TNIK: variants seen among roughly 807,000 people sequenced by gnomAD.
The protein encoded by TNIK is TRAF2 and NCK interacting kinase.
Under a neutral mutation model 191.3 loss-of-function variants are expected in TNIK, and 49 were observed. The observed-to-expected ratio is 0.26, with a 90% CI of 0.20 to 0.32. The LOEUF is 0.32. Ranked by LOEUF, TNIK falls within the 10% of genes least tolerant of loss-of-function variation. The pLI is 1.00. For synonymous variants in TNIK, 594 were observed against 600.9 expected, an observed-to-expected ratio of 0.99 and a Z score of 0.17; for missense variants, 1,155 against 1,702.3, an observed-to-expected ratio of 0.68 and a Z score of 5.66.
At chr3:171,382,081 T>C (rs1718103561) in intron 1 of TNIK, among the ~76,000 whole-genome samples, 1 of 152,212 alleles carries the variant, frequency 6.6e-6, no homozygotes, top group Non-Finnish European at 1.5e-5. Context: ...TGAAATCTAA[T>C]TGATTTACTT....
chr3:171,071,332 G>C lies in TNIK; in HGVS notation c.3449-9C>G, dbSNP rs1309106143. The C allele has an allele frequency of 6.5e-7, 1 of 1,542,258 alleles. No individual in the cohort carries two copies. The highest frequency in any genetic ancestry group is 8.8e-7 in the Non-Finnish European group (1 of 1,137,546). On this transcript the variant is annotated splice_polypyrimidine_tract_variant and intron_variant, in intron 28 of 32. Transcript: ENST00000436636. ...GATCCTTTCATATTTAACTGTAATA[G>C]AAAAATTATGAGTGAAAAAGTACAT... is the stretch of plus-strand genomic sequence containing the variant.
At chr3:171,249,436 C>T (rs972708599) in intron 2 of TNIK, among the ~76,000 whole-genome samples, 1 of 152,170 alleles carries the variant, frequency 6.6e-6, no homozygotes, top group Non-Finnish European at 1.5e-5. Context: ...CATTACTAGA[C>T]AAGACAGAGT....
intron 22 of TNIK, among the ~76,000 whole-genome samples, chr3:171,095,877 A>G (rs1308293770): frequency 1.3e-5 from 2 of 152,208 alleles, no homozygotes; most frequent in South Asian, 4.1e-4. Context: ...TCATTCCTAG[A>G]AAGGAGCTTT....
intron 2 of TNIK, among the ~76,000 whole-genome samples, chr3:171,280,321 T>C (rs935424125): frequency 3.3e-5 from 5 of 152,308 alleles, no homozygotes; most frequent in East Asian, 3.9e-4. Context: ...GAGAAAAATC[T>C]TGGGTTCTAA....
At chr3:171,322,369 C>G (rs2917) in intron 2 of TNIK, among the ~76,000 whole-genome samples, 11,639 of 151,978 alleles carry the variant, frequency 0.077, 575 homozygotes, top group South Asian at 0.17. Context: ...TTAAAATTGT[C>G]AAATAAGTCA....
At chr3:171,084,647 G>A (rs560266315) in intron 25 of TNIK, among the ~76,000 whole-genome samples, 1 of 152,262 alleles carries the variant, frequency 6.6e-6, no homozygotes, top group Admixed American at 6.5e-5. Flanking sequence ...CAGTTTATCA[G>A]TTGAAAAACT....
chr3:171,165,401 G>A (rs1734484442), intron 10 of TNIK, among the ~76,000 whole-genome samples: 2 of 122,748 alleles, frequency 1.6e-5, no homozygotes, highest in African/African-American at 3.2e-5. Flanking sequence ...GAGCAACAAA[G>A]TTAGAACTCA....
At chr3:171,421,206 T>A (rs1294515654) in intron 1 of TNIK, among the ~76,000 whole-genome samples, 1 of 152,184 alleles carries the variant, frequency 6.6e-6, no homozygotes, top group Non-Finnish European at 1.5e-5. Context: ...TAGTTCTCAC[T>A]GTAATTTAAT....
chr3:171,157,443 C>T lies in TNIK; in HGVS notation c.1221+17G>A. On this transcript the variant is annotated intron_variant, in intron 12 of 32. Transcript: ENST00000436636. Reference sequence around the variant, plus strand: ...CTGAGAGGCTTGGGGTCAGAGGTGGCCCGAGCAGGTCCTCACCTCCTCCAG... The same window carrying T: ...CTGAGAGGCTTGGGGTCAGAGGTGGTCCGAGCAGGTCCTCACCTCCTCCAG... The T allele has an allele frequency of 6.4e-7, 1 of 1,552,650 alleles. No individual in the cohort carries two copies. Among genetic ancestry groups the T allele is most frequent in the Non-Finnish European group, 8.7e-7 (1 of 1,148,346 alleles).
At chr3:171,186,676 A>AT (rs1356464152) in intron 7 of TNIK, among the ~76,000 whole-genome samples, 1 of 152,102 alleles carries the variant, frequency 6.6e-6, no homozygotes, top group African/African-American at 2.4e-5. Context: ...AGGATTCTTT[A>AT]TTTTTTAAAA....
intron 2 of TNIK, among the ~76,000 whole-genome samples, chr3:171,255,759 T>TAAAA (rs1479501227): frequency 8.5e-5 from 13 of 152,272 alleles, no homozygotes; most frequent in African/African-American, 3.1e-4. Context: ...GGAGTGCCTT[T>TAAAA]AGAGACCCCA....
chr3:171,302,346 G>C (rs1752976239), intron 2 of TNIK, among the ~76,000 whole-genome samples: 1 of 150,678 alleles, frequency 6.6e-6, no homozygotes, highest in Admixed American at 6.6e-5. Flanking sequence ...TGTCTGTTTA[G>C]TGTATCTATA....
At chr3:171,364,180 G>A (rs545453553) in intron 2 of TNIK, among the ~76,000 whole-genome samples, 8 of 152,036 alleles carry the variant, frequency 5.3e-5, no homozygotes, top group East Asian at 1.9e-4. Context: ...AGTTGGAGCC[G>A]GGAAATCTAC....
At chr3:171,201,439 T>G (rs763199048) in intron 4 of TNIK, among the ~76,000 whole-genome samples, 13 of 152,000 alleles carry the variant, frequency 8.6e-5, no homozygotes, top group East Asian at 3.9e-4. Context: ...AAATAAATAA[T>G]AGGAAGAACA....
At chr3:171,394,953 G>A (rs532244487) in intron 1 of TNIK, among the ~76,000 whole-genome samples, 66 of 152,262 alleles carry the variant, frequency 4.3e-4, no homozygotes, top group African/African-American at 1.5e-3. Flanking sequence ...AAACTCCGGG[G>A]AAATACGTCA....
intron 2 of TNIK, among the ~76,000 whole-genome samples, chr3:171,364,084 C>A (rs1210990555): frequency 6.6e-6 from 1 of 152,056 alleles, no homozygotes; most frequent in Admixed American, 6.6e-5. Flanking sequence ...AGGTGCGGTC[C>A]CAGGACCTTG....
intron 10 of TNIK, among the ~76,000 whole-genome samples, 172 bp from the exon 11 acceptor site, chr3:171,161,508 C>T (rs1177270766): frequency 6.6e-6 from 1 of 152,242 alleles, no homozygotes; most frequent in African/African-American, 2.4e-5. Flanking sequence ...ATGAAATTAA[C>T]CACATTCAAG....
At chr3:171,183,648 T>C (rs1174851764) in intron 7 of TNIK, among the ~76,000 whole-genome samples, 3 of 151,856 alleles carry the variant, frequency 2.0e-5, no homozygotes, top group Non-Finnish European at 4.4e-5. Context: ...CCCCACCGGG[T>C]CCAGTGGCTC....
intron 10 of TNIK, among the ~76,000 whole-genome samples, chr3:171,164,872 T>C (rs749235439): frequency 1.5e-4 from 23 of 152,352 alleles, no homozygotes; most frequent in Non-Finnish European, 2.8e-4. Context: ...TCCCAGCTCC[T>C]TAGGGTCTAA....
Sources: gnomAD v4.1 joint callset for allele counts (sites outside exome capture counted in the v4.1 genomes callset) on GRCh38, gnomAD v4.1.1 for gene constraint, MANE v1.5 for transcripts, NCBI Gene and HGNC (gene_info 2026-07-23, HGNC 2026-07-21) for gene names.